Variants in FAM83A observed in about 807,000 individuals in gnomAD.
FAM83A encodes the protein protein FAM83A.
FAM83A carries 21 observed loss-of-function variants against 24.4 expected under a neutral mutation model. The ratio of observed to expected loss-of-function variants is 0.86; its 90% CI spans 0.61 to 1.24. The LOEUF is 1.24. Among genes scored for constraint, FAM83A ranks in the 50% most tolerant of loss-of-function variants. The pLI is 0.00. For missense variants in FAM83A, 617 were observed against 579.8 expected, an observed-to-expected ratio of 1.06 and a Z score of -0.66; for synonymous variants, 270 against 252.4, an observed-to-expected ratio of 1.07 and a Z score of -0.66.
At position 123,209,366 on chromosome 8, in the gene FAM83A, T is replaced by TTTATTATTA. The variant is rs371810691; in HGVS notation, c.*1691_*1699dup. 705 of 1,469,050 alleles carry TTTATTATTA rather than the reference T, an allele frequency of 4.8e-4. 4 individuals carry two copies. In the African/African-American group the frequency reaches 7.7e-3, roughly 16 times the overall value. 91.0% of individuals were successfully genotyped at this position (1,469,050 alleles called of 1,614,324 possible). A position where few individuals can be genotyped will look rare whatever the true frequency, so the allele number is the denominator to read the frequency against. On this transcript the variant is annotated 3_prime_UTR_variant, in exon 4 of 4. Coordinates refer to ENST00000690554, the Ensembl canonical transcript of FAM83A. This position sits in a 1 kb window ranked among gnomAD's most constrained non-coding sequence, Gnocchi z 4.7. ...TGGGGCATCTTGGCTTCTGGTTTCTTTTATTATTATTATTATTATTAATTA... is the reference window on the plus strand; with the variant it reads ...TGGGGCATCTTGGCTTCTGGTTTCTTTTATTATTATTATTATTATTATTATTATTAATTA...
In FAM83A at chr8:123,193,727, G is replaced by A. The variant is rs146847819; in HGVS notation, c.649-297G>A. ...AGATCAACGTTCTGGCAGATTCGGC[G>A]TCTGGTGAAGCCCACTTCCTGGCTT... On this transcript the variant is annotated intron_variant, in intron 2 of 3. Coordinates refer to ENST00000690554, the Ensembl canonical transcript of FAM83A. 4.4e-3 allele frequency among the ~76,000 whole-genome samples: 669 copies of A among 152,312 alleles called. 6 individuals carry two copies. Among genetic ancestry groups the A allele is most frequent in the South Asian group, 0.017 (82 of 4,824 alleles).
exon 4 of FAM83A, chr8:123,208,146 A>C: frequency 1.0e-6 from 1 of 993,526 alleles, no homozygotes. Context: ...TCAGGAAAGA[A>C]AGACTGAGGA....
chr8:123,205,176 TGGCGGGGCTCTGG>T (rs1004715211), intron 3 of FAM83A, among the ~76,000 whole-genome samples: 6 of 152,064 alleles, frequency 3.9e-5, no homozygotes, highest in African/African-American at 1.4e-4. Flanking sequence ...TGTGCAGGTG[TGGCGGGGCTCTGG>T]GGCGGGGCAC....
rs745995500 is a variant in FAM83A, at chr8:123,209,517, T to C, written c.*1829T>C. The C allele has an allele frequency of 1.2e-6, 2 of 1,614,084 alleles. No individual in the cohort carries two copies. The highest frequency in any genetic ancestry group is 2.7e-5 in the African/African-American group (2 of 74,904). On this transcript the variant is annotated 3_prime_UTR_variant, in exon 4 of 4. Transcript: ENST00000690554. This position sits in a 1 kb window ranked among gnomAD's most constrained non-coding sequence, Gnocchi z 4.7. Reference sequence around the variant, plus strand: ...TCTGAACCCAGCCCTGACCTTGTTGTTTCACAGCTGACGGCTGAGATGAGG... The same window carrying C: ...TCTGAACCCAGCCCTGACCTTGTTGCTTCACAGCTGACGGCTGAGATGAGG...
chr8:123,209,576 T>C lies in FAM83A; in HGVS notation c.*1888T>C, dbSNP rs758129931. 2 of 1,611,450 alleles carry C rather than the reference T, an allele frequency of 1.2e-6. No individual in the cohort carries two copies. Among genetic ancestry groups the C allele is most frequent in the South Asian group, 2.2e-5 (2 of 90,896 alleles). ...ACTGGGCCCGGCTGAACATTCCAAA[T>C]TGGATTTCACCATCTGCTGAGAAAG... On this transcript the variant is annotated 3_prime_UTR_variant, in exon 4 of 4. Coordinates refer to ENST00000690554, the Ensembl canonical transcript of FAM83A. The surrounding 1 kb of genome is among the most constrained non-coding windows in gnomAD (Gnocchi z 4.7).
Position 123,183,683 on chromosome 8 carries a change from C to CT in FAM83A, c.480+358dup, listed in dbSNP as rs60861074. On this transcript the variant is annotated intron_variant, in intron 1 of 3. Transcript: ENST00000690554. ...TTTTTTTTCTTTTCTTTTTTTCTTT[C>CT]TTTTTTTTTTTCTTTTTTTTTGAGA... Among the ~76,000 whole-genome samples, 306 of 130,992 alleles carry CT rather than the reference C, an allele frequency of 2.3e-3. 1 individual carries two copies. The highest frequency in any genetic ancestry group is 4.1e-3 in the South Asian group (16 of 3,916). 85.9% of individuals were successfully genotyped at this position (130,992 alleles called of 152,430 possible).
intron 2 of FAM83A, among the ~76,000 whole-genome samples, chr8:123,193,381 CG>C (rs1056702597): frequency 3.9e-5 from 6 of 152,210 alleles, no homozygotes; most frequent in Non-Finnish European, 7.3e-5. Flanking sequence ...GGCCTAGACT[CG>C]GGGCTCCATA....
chr8:123,180,595 T>C (rs1011179274), upstream of FAM83A: 1 of 152,362 alleles, frequency 6.6e-6, no homozygotes, highest in Non-Finnish European at 1.5e-5. Context: ...CCCCGGTCTA[T>C]CTCGCTAGAC....
upstream of FAM83A, among the ~76,000 whole-genome samples, chr8:123,181,303 C>G (rs1481684219): frequency 6.6e-6 from 1 of 152,186 alleles, no homozygotes; most frequent in Non-Finnish European, 1.5e-5. Context: ...AGGGCCACAG[C>G]TACAGTAGGG....
chr8:123,192,024 G>C, intron 2 of FAM83A, 54 bp downstream of exon 2: 3 of 1,575,656 alleles, frequency 1.9e-6, no homozygotes, highest in Admixed American at 3.5e-5. Flanking sequence ...AGATAGGATA[G>C]TCTATGCAAT....
At chr8:123,188,121 C>T (rs1823863500) in intron 1 of FAM83A, among the ~76,000 whole-genome samples, 1 of 151,898 alleles carries the variant, frequency 6.6e-6, no homozygotes, top group Non-Finnish European at 1.5e-5. Flanking sequence ...GTGATCTGCC[C>T]ACCTCGGCCT....
rs117379777 is a variant in FAM83A at position 123,184,284 on chromosome 8, G to C, written c.480+948G>C. On this transcript the variant is annotated intron_variant, in intron 1 of 3. Coordinates refer to ENST00000690554, the Ensembl canonical transcript of FAM83A. ...ACCTTTCCTGAATTCCCCAGGCTGTGTTAGGTGCCCACCTCTGCGCTTCCA... is the reference window on the plus strand; with the variant it reads ...ACCTTTCCTGAATTCCCCAGGCTGTCTTAGGTGCCCACCTCTGCGCTTCCA... 4.6e-4 allele frequency among the ~76,000 whole-genome samples: 70 copies of C among 152,216 alleles called. No individual in the cohort carries two copies. In the East Asian group the frequency reaches 0.01, roughly 22 times the overall value.
At chr8:123,200,720 G>A (rs758114344) in intron 3 of FAM83A, among the ~76,000 whole-genome samples, 4 of 152,212 alleles carry the variant, frequency 2.6e-5, no homozygotes, top group African/African-American at 4.8e-5. Context: ...TTGGGAGGCC[G>A]AGGCGGGTGA....
In FAM83A at chr8:123,193,179, C is replaced by T. The variant is rs565668368; in HGVS notation, c.649-845C>T. 1.2e-4 allele frequency among the ~76,000 whole-genome samples: 18 copies of T among 152,302 alleles called. 1 individual carries two copies. The South Asian group carries it at 2.7e-3, about 23-fold the overall frequency. On this transcript the variant is annotated intron_variant, in intron 2 of 3. Coordinates refer to ENST00000690554, the Ensembl canonical transcript of FAM83A. ...AGGGAAGACAAGGGATAAATAGAGC[C>T]ATGGTAGGGTTGCAGACTCACCTTT... is the stretch of plus-strand genomic sequence containing the variant.
At chr8:123,191,920 C>T in exon 2 of FAM83A, 1 of 1,614,200 alleles carries the variant, frequency 6.2e-7, no homozygotes, top group Non-Finnish European at 8.5e-7. Flanking sequence ...AGGTGTGAAG[C>T]TCTTCCAGGA....
Position 123,209,366 on chromosome 8 carries a change from T to TTA in FAM83A, c.*1679_*1680insAT. ...TGGGGCATCTTGGCTTCTGGTTTCT[T>TTA]TTATTATTATTATTATTATTAATTA... On this transcript the variant is annotated 3_prime_UTR_variant, in exon 4 of 4. Transcript: ENST00000690554. The surrounding 1 kb of genome is among the most constrained non-coding windows in gnomAD (Gnocchi z 4.7). 1 of 1,469,070 alleles carries TTA rather than the reference T, an allele frequency of 6.8e-7. No homozygotes were observed. The highest frequency in any genetic ancestry group is 2.5e-5 in the East Asian group (1 of 39,422). The allele number at this position is 1,469,070 out of a possible 1,614,324, so 91.0% of individuals were successfully genotyped here.
intron 3 of FAM83A, among the ~76,000 whole-genome samples, chr8:123,196,658 C>A (rs1824166251): frequency 1.3e-5 from 2 of 152,198 alleles, no homozygotes; most frequent in African/African-American, 4.8e-5. Context: ...CAACAAGGAC[C>A]TTCCTGCACT....
At chr8:123,183,375 C>G in intron 1 of FAM83A, 39 bp downstream of exon 1, 1 of 1,581,904 alleles carries the variant, frequency 6.3e-7, no homozygotes, top group South Asian at 1.2e-5. Flanking sequence ...GGCCAAGTAG[C>G]AGGGAGGATC....
Position 123,209,035 on chromosome 8 carries a change from G to T in FAM83A, c.*1347G>T. ...GCCCTGTGGTGGGTGGGATGTCAGA[G>T]ACACTTCCCAGATAAAGTAAGAGTT... On this transcript the variant is annotated 3_prime_UTR_variant, in exon 4 of 4. Transcript: ENST00000690554. The surrounding 1 kb of genome is among the most constrained non-coding windows in gnomAD (Gnocchi z 4.7). 1 of 990,270 alleles carries T rather than the reference G, an allele frequency of 1.0e-6. No individual in the cohort carries two copies. The highest frequency in any genetic ancestry group is 1.2e-6 in the Non-Finnish European group (1 of 833,352). 61.3% of individuals were successfully genotyped at this position (990,270 alleles called of 1,614,324 possible). A position where few individuals can be genotyped will look rare whatever the true frequency, so the allele number is the denominator to read the frequency against.
Sources: gnomAD v4.1 joint callset for allele counts (sites outside exome capture counted in the v4.1 genomes callset) on GRCh38, gnomAD v4.1.1 for gene constraint, Gnocchi (gnomAD v3.1) non-coding constraint, MANE v1.5 for transcripts, NCBI Gene and HGNC (gene_info 2026-07-23, HGNC 2026-07-21) for gene names.